CACNA1C: variants seen among roughly 807,000 people sequenced by gnomAD.
CACNA1C encodes the protein voltage-dependent L-type calcium channel subunit alpha-1C.
In CACNA1C, 30 loss-of-function variants were observed where a neutral mutation model predicts 229.0. That is an observed-to-expected ratio of 0.13 (90% CI 0.10 to 0.18). CACNA1C has a LOEUF of 0.18. CACNA1C is among the 10% of genes least tolerant of loss of function. The pLI, the probability that CACNA1C is intolerant of heterozygous loss-of-function variation, is 1.00. For synonymous variants in CACNA1C, 1,114 were observed against 1,132.5 expected, an observed-to-expected ratio of 0.98 and a Z score of 0.33; for missense variants, 1,658 against 2,845.0, an observed-to-expected ratio of 0.58 and a Z score of 9.49.
intron 9 of CACNA1C, among the ~76,000 whole-genome samples, chr12:2,514,684 G>A (rs2099792410): frequency 1.3e-5 from 2 of 152,144 alleles, no homozygotes; most frequent in South Asian, 2.1e-4. Flanking sequence ...GACTGACGGT[G>A]ATGAGCATTT....
In CACNA1C at chr12:2,547,619, G is replaced by C. The variant is rs2099884033; in HGVS notation, c.1391-2324G>C. On this transcript the variant is annotated intron_variant, in intron 9 of 46. Coordinates refer to ENST00000399655, the MANE Select transcript of CACNA1C (RefSeq NM_000719.7). ...TCTCTTGATGGCTTGTGCCGCAGTA[G>C]TTCTGTGTGTGTGCATATATGTGTA... 4.1e-6 allele frequency: 3 copies of C among 731,446 alleles called. No homozygotes were observed. In the South Asian group the frequency reaches 4.4e-5, roughly 11 times the overall value. The allele number at this position is 731,446 out of a possible 1,614,324, so 45.3% of individuals were successfully genotyped here. A position where few individuals can be genotyped will look rare whatever the true frequency, so the allele number is the denominator to read the frequency against.
chr12:2,007,831 C>G (rs182841047), intron 1 of CACNA1C, among the ~76,000 whole-genome samples: 2 of 152,298 alleles, frequency 1.3e-5, no homozygotes, highest in East Asian at 3.9e-4. Context: ...CCTGTCTTCT[C>G]CCATACAATC....
chr12:2,210,075 CT>C (rs1456488041), intron 3 of CACNA1C, among the ~76,000 whole-genome samples: 1 of 152,178 alleles, frequency 6.6e-6, no homozygotes, highest in Non-Finnish European at 1.5e-5. Context: ...TTACTTTCAA[CT>C]TGTTTCTAAA....
At chr12:2,368,025 A>G (rs541853221) in intron 3 of CACNA1C, among the ~76,000 whole-genome samples, 17 of 152,240 alleles carry the variant, frequency 1.1e-4, no homozygotes, top group East Asian at 1.9e-4. Flanking sequence ...GACACAGCCA[A>G]TGAATTCAAG....
At chr12:2,682,026 C>T in intron 42 of CACNA1C, 2 of 1,609,266 alleles carry the variant, frequency 1.2e-6, no homozygotes, top group Non-Finnish European at 1.7e-6. Flanking sequence ...GGCTCACTGC[C>T]TTCTGCTCAG....
At chr12:2,485,977 C>T in intron 5 of CACNA1C, 127 bp from the exon 6 acceptor site, 2 of 691,712 alleles carry the variant, frequency 2.9e-6, no homozygotes, top group Non-Finnish European at 4.6e-6. Flanking sequence ...CTCTGAGCCT[C>T]AGTCTTCTCA....
intron 5 of CACNA1C, among the ~76,000 whole-genome samples, chr12:2,477,131 C>T (rs1333709123): frequency 6.6e-6 from 1 of 152,204 alleles, no homozygotes; most frequent in Non-Finnish European, 1.5e-5. Flanking sequence ...AAAACATGAT[C>T]TGTGAGATTC....
intron 1 of CACNA1C, among the ~76,000 whole-genome samples, chr12:2,107,796 G>A (rs575655323): frequency 1.1e-4 from 16 of 152,266 alleles, no homozygotes; most frequent in African/African-American, 3.8e-4. Flanking sequence ...ATTCGCTATT[G>A]CCTTTTTAAA....
intron 29 of CACNA1C, among the ~76,000 whole-genome samples, chr12:2,631,884 T>C (rs759781468): frequency 6.6e-5 from 10 of 152,156 alleles, no homozygotes; most frequent in Non-Finnish European, 1.5e-4. Context: ...CAGGACAGCA[T>C]GTCTTTCGGT....
chr12:2,456,752 C>G (rs776596584), intron 4 of CACNA1C, among the ~76,000 whole-genome samples: 26 of 152,220 alleles, frequency 1.7e-4, no homozygotes, highest in Non-Finnish European at 1.2e-4. Flanking sequence ...GAGCCCCTCC[C>G]CGCTCCTCCT....
At chr12:2,157,947 G>A (rs2095635832) in intron 3 of CACNA1C, among the ~76,000 whole-genome samples, 1 of 152,178 alleles carries the variant, frequency 6.6e-6, no homozygotes, top group Non-Finnish European at 1.5e-5. Context: ...TAAGAAATGT[G>A]ATGACTGAGT....
rs1169990329 is a variant in CACNA1C, at chr12:1,971,850, A to AT, written c.139+650dup. 6.6e-6 allele frequency among the ~76,000 whole-genome samples: 1 copy of AT among 152,184 alleles called. No homozygotes were observed. Among genetic ancestry groups the AT allele is most frequent in the African/African-American group, 2.4e-5 (1 of 41,446 alleles). ...TTTTAAGATATTTATAATTTGTTTT[A>AT]TATTTTTACCCAAATACCATACAAC... On this transcript the variant is annotated intron_variant, in intron 1 of 46. Transcript: ENST00000682462. The surrounding 1 kb of genome is among the most constrained non-coding windows in gnomAD (Gnocchi z 4.2).
intron 1 of CACNA1C, among the ~76,000 whole-genome samples, chr12:2,068,212 A>G (rs530275654): frequency 2.6e-5 from 4 of 152,146 alleles, no homozygotes; most frequent in African/African-American, 9.7e-5. Context: ...AATGCCATGG[A>G]AATATGCTCT....
At position 2,479,201 on chromosome 12, in the gene CACNA1C, A is replaced by G. The variant is rs2099651774; in HGVS notation, c.758-6903A>G. 6.6e-6 allele frequency among the ~76,000 whole-genome samples: 1 copy of G among 152,014 alleles called. No individual in the cohort carries two copies. ...AACACCTGTTTTTTTTAAGTTTTTA[A>G]AAATTGTTTTAAATTTTCTTTTTGT... is the stretch of plus-strand genomic sequence containing the variant. On this transcript the variant is annotated intron_variant, in intron 5 of 46. Coordinates refer to ENST00000399655, the MANE Select transcript of CACNA1C (RefSeq NM_000719.7). This position sits in a 1 kb window ranked among gnomAD's most constrained non-coding sequence, Gnocchi z 4.3.
chr12:2,060,514 G>C (rs1565437651), intron 1 of CACNA1C, among the ~76,000 whole-genome samples: 1 of 152,218 alleles, frequency 6.6e-6, no homozygotes. Context: ...CTTCCTTGAA[G>C]TGTTCATTGG....
chr12:2,469,919 G>C (rs760637039), intron 5 of CACNA1C, among the ~76,000 whole-genome samples: 9 of 152,182 alleles, frequency 5.9e-5, no homozygotes, highest in Non-Finnish European at 8.8e-5. Flanking sequence ...AAAGCAGGTA[G>C]ATGTAAACTA....
chr12:2,196,338 A>G (rs112820268), intron 3 of CACNA1C, among the ~76,000 whole-genome samples: 1 of 152,244 alleles, frequency 6.6e-6, no homozygotes. Context: ...TGCTACGCTC[A>G]GGTGATAAAT....
intron 1 of CACNA1C, among the ~76,000 whole-genome samples, chr12:1,973,865 G>A (rs2033379455): frequency 6.6e-6 from 1 of 151,834 alleles, no homozygotes; most frequent in Non-Finnish European, 1.5e-5. Flanking sequence ...AAATCTCCTT[G>A]GCCACAAATA....
At chr12:2,177,055 G>A (rs969025857) in intron 3 of CACNA1C, among the ~76,000 whole-genome samples, 4 of 152,132 alleles carry the variant, frequency 2.6e-5, no homozygotes, top group Admixed American at 6.5e-5. Flanking sequence ...AGAGCAACAG[G>A]GCACCTTTTC....
Sources: allele counts gnomAD v4.1 joint callset (sites outside exome capture counted in the v4.1 genomes callset), GRCh38; gene constraint gnomAD v4.1.1; non-coding constraint Gnocchi (gnomAD v3.1); transcripts MANE v1.5; gene names NCBI Gene and HGNC (gene_info 2026-07-23, HGNC 2026-07-21).